MRC1: variants seen among roughly 807,000 people sequenced by gnomAD.
MRC1 encodes the protein mannose receptor C-type 1.
In MRC1, 62 loss-of-function variants were observed where a neutral mutation model predicts 102.9. The observed-to-expected ratio is 0.60, with a 90% CI of 0.49 to 0.74. The LOEUF is 0.74. Ranked by LOEUF, MRC1 falls within the 30% of genes least tolerant of loss-of-function variation. The pLI, the probability that MRC1 is intolerant of heterozygous loss-of-function variation, is 0.00. For missense variants in MRC1, 1,237 were observed against 862.8 expected, an observed-to-expected ratio of 1.43 and a Z score of -5.43; for synonymous variants, 457 against 298.4, an observed-to-expected ratio of 1.53 and a Z score of -5.48.
chr10:17,853,030 G>A lies in MRC1; in HGVS notation c.1313G>A (p.Ser438Asn). 1.3e-6 allele frequency: 1 copy of A among 780,836 alleles called. No homozygotes were observed. The highest frequency in any genetic ancestry group is 2.4e-6 in the Non-Finnish European group (1 of 417,958). 48.4% of individuals were successfully genotyped at this position (780,836 alleles called of 1,614,324 possible). The change falls in exon 8 of 30, where the codon AGT (serine) becomes AAT (asparagine). Residue 438 changes from serine to asparagine, a missense_variant. By Grantham distance (46) the Ser-to-Asn change is conservative (BLOSUM62 1). Coordinates refer to ENST00000569591, the MANE Select transcript of MRC1 (RefSeq NM_002438.4). ...AAGATTCAAATGTACTTTGAGTGGA[G>A]TGATGGGACCCCTGTAACGTTTACC... ...DIKIQMYFEW[S>N]DGTPVTFTKW...
intron 4 of MRC1, among the ~76,000 whole-genome samples, chr10:17,840,361 A>T (rs1014170764): frequency 1.2e-4 from 18 of 152,232 alleles, no homozygotes; most frequent in African/African-American, 4.3e-4. Flanking sequence ...ACACCTATTC[A>T]TATTCACACA....
chr10:17,873,489 C>T (rs1833382889), intron 15 of MRC1, among the ~76,000 whole-genome samples: 2 of 145,086 alleles, frequency 1.4e-5, no homozygotes, highest in Non-Finnish European at 3.1e-5. Flanking sequence ...TTCTAAAACT[C>T]ATGATCTTTT....
Position 17,827,372 on chromosome 10 carries a change from C to CAAAAAAAAAAAAAAAAAAAAAAAAA in MRC1, c.464-156_464-132dup, listed in dbSNP as rs782616938. 1.1e-4 allele frequency among the ~76,000 whole-genome samples: 7 copies of CAAAAAAAAAAAAAAAAAAAAAAAAA among 64,052 alleles called. 3 individuals are homozygous for CAAAAAAAAAAAAAAAAAAAAAAAAA. The highest frequency in any genetic ancestry group is 2.0e-4 in the African/African-American group (4 of 19,718). The allele number at this position is 64,052 out of a possible 152,430, so 42.0% of individuals were successfully genotyped here. A position where few individuals can be genotyped will look rare whatever the true frequency, so the allele number is the denominator to read the frequency against. On this transcript the variant is annotated intron_variant, in intron 2 of 29. Coordinates refer to ENST00000569591, the MANE Select transcript of MRC1 (RefSeq NM_002438.4). ...TAGAAGGAGAAGGAAAAAAAATACC[C>CAAAAAAAAAAAAAAAAAAAAAAAAA]AAAAAAAAAAAAAAAAAAAAAAAAA... is the stretch of plus-strand genomic sequence containing the variant.
chr10:17,861,584 A>G, intron 10 of MRC1, 82 bp downstream of exon 10: 1 of 747,268 alleles, frequency 1.3e-6, no homozygotes, highest in Admixed American at 1.8e-5. Flanking sequence ...ACATGCTCTA[A>G]ATTTCTGAGT....
intron 4 of MRC1, among the ~76,000 whole-genome samples, chr10:17,837,118 A>G (rs946686156): frequency 1.3e-4 from 20 of 152,260 alleles, no homozygotes; most frequent in African/African-American, 4.3e-4. Flanking sequence ...GCTGCAGGAA[A>G]TGCTTCCCTA....
intron 5 of MRC1, among the ~76,000 whole-genome samples, chr10:17,841,570 G>A (rs1838749939): frequency 6.6e-6 from 1 of 152,090 alleles, no homozygotes; most frequent in South Asian, 2.1e-4. Context: ...GTCATAACAT[G>A]AAAGTAACAG....
chr10:17,865,687 C>T (rs1833256315), intron 11 of MRC1, among the ~76,000 whole-genome samples: 1 of 152,184 alleles, frequency 6.6e-6, no homozygotes, highest in South Asian at 2.1e-4. Context: ...ATGCCGCAGC[C>T]TCTGTAGTCA....
intron 18 of MRC1, among the ~76,000 whole-genome samples, chr10:17,879,004 C>T (rs1460350190): frequency 6.6e-6 from 1 of 152,144 alleles, no homozygotes; most frequent in Non-Finnish European, 1.5e-5. Flanking sequence ...ACCTACATTA[C>T]AAGAAACTAG....
chr10:17,860,732 T>C (rs1019702968), intron 9 of MRC1, among the ~76,000 whole-genome samples: 5,775 of 152,298 alleles, frequency 0.038, 376 homozygotes, highest in African/African-American at 0.13. Flanking sequence ...CTTCCCCAAA[T>C]TCTTTCCTGT....
chr10:17,866,709 C>A lies in MRC1; in HGVS notation c.1931C>A (p.Pro644His), dbSNP rs958012726. 1.3e-6 allele frequency: 1 copy of A among 780,826 alleles called. No individual in the cohort carries two copies. The highest frequency in any genetic ancestry group is 1.3e-5 in the South Asian group (1 of 74,614). The allele number at this position is 780,826 out of a possible 1,614,324, so 48.4% of individuals were successfully genotyped here. The change falls in exon 12 of 30, where the codon CCC becomes CAC. Residue 644 changes from proline (P) to histidine (H), a missense_variant. Pro to His is a moderately conservative substitution (Grantham distance 77, BLOSUM62 -2). Transcript: ENST00000569591. ...CCGAAGCCCACGACGACTCCCGAAC[C>A]CAAATGTCCGGAGGATTGGGGCGCC... ...HPPKPTTTPE[P>H]KCPEDWGASS...
At chr10:17,892,995 C>G (rs1455947985) in intron 22 of MRC1, among the ~76,000 whole-genome samples, 1 of 138,444 alleles carries the variant, frequency 7.2e-6, no homozygotes, top group Admixed American at 7.7e-5. Flanking sequence ...GGCGACAGAG[C>G]GAGACTCCAT....
chr10:17,823,913 C>T (rs1408340973), intron 2 of MRC1, among the ~76,000 whole-genome samples: 2 of 152,104 alleles, frequency 1.3e-5, no homozygotes, highest in African/African-American at 4.8e-5. Flanking sequence ...TTTAGATTGC[C>T]TAAGATGAAA....
At chr10:17,872,240 T>G in intron 15 of MRC1, 114 bp downstream of exon 15, 1 of 773,104 alleles carries the variant, frequency 1.3e-6, no homozygotes, top group Non-Finnish European at 2.4e-6. Context: ...ATCAGGAAAC[T>G]GTCAGTGGCC....
At chr10:17,855,735 A>G (rs1019583861) in intron 8 of MRC1, among the ~76,000 whole-genome samples, 2 of 152,056 alleles carry the variant, frequency 1.3e-5, no homozygotes, top group African/African-American at 2.4e-5. Flanking sequence ...CACTTTTTAC[A>G]TGTTTGTAGC....
At chr10:17,856,987 G>A (rs1833102644) in intron 9 of MRC1, among the ~76,000 whole-genome samples, 1 of 152,110 alleles carries the variant, frequency 6.6e-6, no homozygotes, top group Admixed American at 6.5e-5. Flanking sequence ...TTTCCTGTTT[G>A]ATTGCTACAT....
chr10:17,821,560 G>C (rs1016227601), intron 1 of MRC1, among the ~76,000 whole-genome samples: 1 of 152,028 alleles, frequency 6.6e-6, no homozygotes, highest in African/African-American at 2.4e-5. Context: ...AGGTAGGATA[G>C]AGGCAGGAGA....
At chr10:17,863,771 G>C in intron 11 of MRC1, 89 bp downstream of exon 11, 1 of 709,652 alleles carries the variant, frequency 1.4e-6, no homozygotes, top group South Asian at 1.6e-5. Flanking sequence ...TCTGCAAATA[G>C]ACTAGGTAAA....
At chr10:17,897,914 G>A in intron 23 of MRC1, 120 bp from the exon 24 acceptor site, 1 of 757,050 alleles carries the variant, frequency 1.3e-6, no homozygotes, top group South Asian at 1.4e-5. Context: ...TCTAACAGCT[G>A]AATGTTTGGA....
Position 17,863,573 on chromosome 10 carries a change from G to T in MRC1, c.1674G>T (p.Arg558Ser), listed in dbSNP as rs1833216693. The T allele has an allele frequency of 2.6e-6, 2 of 780,650 alleles. No individual in the cohort carries two copies. Among genetic ancestry groups the T allele is most frequent in the East Asian group, 2.4e-5 (1 of 41,264 alleles). The allele number at this position is 780,650 out of a possible 1,614,324, so 48.4% of individuals were successfully genotyped here. ...TCCTGACTAGTTTCGTTGGCTTAAG[G>T]CCTGAAAAATATTTCTGGACAGGAC... ...QAFLTSFVGLRPEKYFWTGLS... is the reference protein window; with the variant it reads ...QAFLTSFVGLSPEKYFWTGLS... Residue 558 changes from arginine (R) to serine (S), a missense_variant, in exon 11 of 30, where the codon AGG becomes AGT. Coordinates refer to ENST00000569591, the MANE Select transcript of MRC1 (RefSeq NM_002438.4).
Sources: allele counts gnomAD v4.1 joint callset (sites outside exome capture counted in the v4.1 genomes callset), GRCh38; gene constraint gnomAD v4.1.1; transcripts MANE v1.5; gene names NCBI Gene and HGNC (gene_info 2026-07-23, HGNC 2026-07-21).